The following PRKN variants were observed in gnomAD, a reference collection of about 807,000 sequenced individuals.
The protein encoded by PRKN is parkin RBR E3 ubiquitin protein ligase.
A neutral mutation model predicts 59.5 loss-of-function variants in PRKN; 56 were observed. The observed-to-expected ratio is 0.94, with a 90% CI of 0.76 to 1.18. The LOEUF (loss-of-function observed/expected upper bound fraction) is 1.18, where lower values mean the gene tolerates loss of function less well. Among genes scored for constraint, PRKN ranks in the 50% most tolerant of loss-of-function variants. The probability of loss-of-function intolerance (pLI) is 0.00; values close to 1 mark genes in which losing one functional copy is unlikely to be tolerated. For synonymous variants in PRKN, 250 were observed against 222.1 expected (o/e 1.13, Z -1.12); for missense variants, 657 against 596.4 (o/e 1.10, Z -1.06).
intron 4 of PRKN, among the ~76,000 whole-genome samples, chr6:162,125,709 A>G (rs895225944): frequency 1.3e-5 from 2 of 152,200 alleles, no homozygotes; most frequent in African/African-American, 4.8e-5. Flanking sequence ...AAAAGGGTCA[A>G]TTATTGAACC....
chr6:161,648,275 A>G (rs1366651715), intron 7 of PRKN, among the ~76,000 whole-genome samples: 1 of 152,206 alleles, frequency 6.6e-6, no homozygotes, highest in Non-Finnish European at 1.5e-5. Flanking sequence ...AAAAGCCTCA[A>G]AGTCAACAGC....
intron 6 of PRKN, among the ~76,000 whole-genome samples, chr6:161,851,877 A>G (rs1416303324): frequency 6.6e-6 from 1 of 151,216 alleles, no homozygotes; most frequent in African/African-American, 2.4e-5. Context: ...ACCTGAGGTC[A>G]GGAGTTTGAG....
chr6:161,873,632 C>G (rs369155608), intron 6 of PRKN, among the ~76,000 whole-genome samples: 46 of 151,758 alleles, frequency 3.0e-4, no homozygotes, highest in Non-Finnish European at 6.2e-4. Flanking sequence ...ATTAAAACAA[C>G]AACAACAACA....
At chr6:161,531,842 G>A (rs868535767) in intron 9 of PRKN, among the ~76,000 whole-genome samples, 14 of 152,082 alleles carry the variant, frequency 9.2e-5, no homozygotes, top group Admixed American at 4.6e-4. Flanking sequence ...AGGTGCTCAG[G>A]GATGAGAAGG....
intron 6 of PRKN, among the ~76,000 whole-genome samples, chr6:161,905,251 GAC>G (rs745800062): frequency 2.6e-5 from 4 of 152,196 alleles, no homozygotes; most frequent in Non-Finnish European, 5.9e-5. Flanking sequence ...ACACACTCGT[GAC>G]ACTAACTAAC....
intron 6 of PRKN, among the ~76,000 whole-genome samples, chr6:161,870,354 T>C (rs1355092902): frequency 6.6e-6 from 1 of 152,166 alleles, no homozygotes; most frequent in Non-Finnish European, 1.5e-5. Context: ...GAAAAGGGGA[T>C]GGCTGTGTTT....
chr6:161,986,121 C>T (rs1781427200), intron 5 of PRKN, among the ~76,000 whole-genome samples: 1 of 152,106 alleles, frequency 6.6e-6, no homozygotes, highest in African/African-American at 2.4e-5. Context: ...TGGCAATGAC[C>T]CAATGACCCA....
intron 1 of PRKN, among the ~76,000 whole-genome samples, chr6:162,471,407 T>C (rs1791738377): frequency 1.3e-5 from 2 of 152,320 alleles, no homozygotes; most frequent in South Asian, 4.1e-4. Context: ...CTCCACACTT[T>C]ATTTTTAAGC....
rs1491539544 is a variant in PRKN, at chr6:161,550,735, GCA to G, written c.934-1734_934-1733del. On this transcript the variant is annotated intron_variant, in intron 8 of 11. Transcript: ENST00000366898. The surrounding 1 kb of genome is among the most constrained non-coding windows in gnomAD (Gnocchi z 4.0). Reference sequence around the variant, plus strand: ...TAGAAGAAAGGGTATGTGTGTGTGTGCACGTGTGTGTGTGTGTGTGTGTGTGT... The same window carrying G: ...TAGAAGAAAGGGTATGTGTGTGTGTGCGTGTGTGTGTGTGTGTGTGTGTGT... 3.4e-3 allele frequency among the ~76,000 whole-genome samples: 334 copies of G among 99,444 alleles called. 1 individual carries two copies. Among genetic ancestry groups the G allele is most frequent in the African/African-American group, 0.011 (300 of 26,404 alleles). 65.2% of individuals were successfully genotyped at this position (99,444 alleles called of 152,430 possible).
At chr6:162,533,932 A>G (rs1339116790) in intron 1 of PRKN, among the ~76,000 whole-genome samples, 2 of 149,734 alleles carry the variant, frequency 1.3e-5, no homozygotes, top group African/African-American at 4.9e-5. Context: ...GATTGCACCA[A>G]TGCACTCTGG....
chr6:161,938,292 G>A (rs530242389), intron 6 of PRKN, among the ~76,000 whole-genome samples: 97 of 152,246 alleles, frequency 6.4e-4, no homozygotes, highest in African/African-American at 2.2e-3. Flanking sequence ...ACATTTTCAG[G>A]ACTTCAAGAG....
chr6:162,095,377 T>C (rs1779683017), intron 4 of PRKN, among the ~76,000 whole-genome samples: 3 of 152,174 alleles, frequency 2.0e-5, no homozygotes, highest in Admixed American at 2.0e-4. Context: ...GAGGTAAATG[T>C]TGGCTTGGAG....
intron 4 of PRKN, among the ~76,000 whole-genome samples, chr6:162,155,385 T>C (rs778745168): frequency 5.9e-5 from 9 of 152,164 alleles, no homozygotes; most frequent in Non-Finnish European, 1.3e-4. Context: ...GTTTATTACA[T>C]CAAAATCCCT....
Position 161,388,926 on chromosome 6 carries a change from T to C in PRKN, c.1084-2049A>G, listed in dbSNP as rs1562414136. On this transcript the variant is annotated intron_variant, in intron 9 of 11. Transcript: ENST00000366898. This position sits in a 1 kb window ranked among gnomAD's most constrained non-coding sequence, Gnocchi z 4.3. The stretch of plus-strand genomic sequence containing the variant: ...AATCATTAAAGTTTAGGGTGGTTTT[T>C]ACACAGCAATAAATAACTGATACAG... 6.6e-6 allele frequency among the ~76,000 whole-genome samples: 1 copy of C among 152,240 alleles called. No individual in the cohort carries two copies. Among genetic ancestry groups the C allele is most frequent in the Non-Finnish European group, 1.5e-5 (1 of 68,040 alleles).
intron 6 of PRKN, among the ~76,000 whole-genome samples, chr6:161,865,513 A>G (rs900069639): frequency 1.3e-5 from 2 of 152,328 alleles, no homozygotes; most frequent in African/African-American, 4.8e-5. Flanking sequence ...CTGACAATCT[A>G]TTGTTTAATG....
rs57107812 is a variant in PRKN, at chr6:162,016,153, T to TAA, written c.618+37936_618+37937dup. ...GACTAATTCTTGTTTAAAATAATAA[T>TAA]AAAAAAAAACTGAATCCATAGCAAA... On this transcript the variant is annotated intron_variant, in intron 5 of 11. Coordinates refer to ENST00000366898, the MANE Select transcript of PRKN (RefSeq NM_004562.3). Among the ~76,000 whole-genome samples, 1,352 of 151,222 alleles carry TAA rather than the reference T, an allele frequency of 8.9e-3. 25 individuals carry two copies. Among genetic ancestry groups the TAA allele is most frequent in the African/African-American group, 0.031 (1,290 of 41,208 alleles).
intron 2 of PRKN, chr6:162,275,142 A>C (rs1780576206): frequency 6.6e-6 from 1 of 151,322 alleles, no homozygotes; most frequent in African/African-American, 2.4e-5. Flanking sequence ...GTTTAGGCTT[A>C]ATATGTTTTG....
At position 161,837,038 on chromosome 6, in the gene PRKN, G is replaced by A. The variant is rs371306389; in HGVS notation, c.735-51130C>T. Among the ~76,000 whole-genome samples, 55 of 152,238 alleles carry A rather than the reference G, an allele frequency of 3.6e-4. 1 individual carries two copies. The South Asian group carries it at 0.01, about 28-fold the overall frequency. ...TCACACTATAAAGAGCATCCCCTGC[G>A]CTCTGTCTTAAGGAATGGGCACTAA... On this transcript the variant is annotated intron_variant, in intron 6 of 11. Transcript: ENST00000366898.
intron 4 of PRKN, among the ~76,000 whole-genome samples, chr6:162,148,554 C>CA (rs1044216205): frequency 6.6e-6 from 1 of 151,254 alleles, no homozygotes; most frequent in African/African-American, 2.4e-5. Context: ...AGCACAAAAA[C>CA]AAAAAAATAG....
Sources: gnomAD v4.1 joint callset for allele counts (sites outside exome capture counted in the v4.1 genomes callset) on GRCh38, gnomAD v4.1.1 for gene constraint, Gnocchi (gnomAD v3.1) non-coding constraint, MANE v1.5 for transcripts, NCBI Gene and HGNC (gene_info 2026-07-23, HGNC 2026-07-21) for gene names.